The following MAF variants were observed in gnomAD, a reference collection of about 807,000 sequenced individuals.
MAF encodes MAF bZIP transcription factor.
A neutral mutation model predicts 22.0 loss-of-function variants in MAF; 10 were observed. The observed-to-expected ratio is 0.45, with a 90% CI of 0.28 to 0.77. MAF has a LOEUF of 0.77. MAF is among the 30% of genes least tolerant of loss of function. The pLI is 0.12. For synonymous variants in MAF, 337 were observed against 255.8 expected (o/e 1.32, Z -3.03); for missense variants, 544 against 548.4 (o/e 0.99, Z 0.08).
chr16:79,384,070 C>T, the MAF span, among the ~76,000 whole-genome samples: 2 of 152,124 alleles, frequency 1.3e-5, no homozygotes, highest in African/African-American at 2.4e-5. Context: ...GAGGGGGCTC[C>T]TCCTGAGTTG....
At chr16:79,272,139 AC>A in the MAF span, among the ~76,000 whole-genome samples, 1 of 152,208 alleles carries the variant, frequency 6.6e-6, no homozygotes, top group Admixed American at 6.5e-5. Context: ...GGGGGCCCCC[AC>A]CAGGGCGTCT....
At chr16:79,208,803 T>G in the MAF span, among the ~76,000 whole-genome samples, 5 of 152,174 alleles carry the variant, frequency 3.3e-5, no homozygotes, top group Non-Finnish European at 7.3e-5. Flanking sequence ...TCTGATCATA[T>G]TAAGATGTCA....
chr16:79,350,685 T>C, the MAF span, among the ~76,000 whole-genome samples: 7 of 152,080 alleles, frequency 4.6e-5, no homozygotes, highest in Admixed American at 1.3e-4. Context: ...AGCCACAAGA[T>C]AGAAGAGGCC....
the MAF span, among the ~76,000 whole-genome samples, chr16:79,486,620 G>A: frequency 1.3e-5 from 2 of 152,220 alleles, no homozygotes; most frequent in Non-Finnish European, 2.9e-5. Context: ...AAGTTACGCA[G>A]CTATCTTTAG....
At chr16:79,439,527 C>T in the MAF span, among the ~76,000 whole-genome samples, 4 of 151,966 alleles carry the variant, frequency 2.6e-5, no homozygotes, top group African/African-American at 7.3e-5. Context: ...CCCAAAGTGC[C>T]GGGATTACAG....
the MAF span, among the ~76,000 whole-genome samples, chr16:79,253,223 A>C: frequency 6.6e-6 from 1 of 152,088 alleles, no homozygotes; most frequent in Non-Finnish European, 1.5e-5. Flanking sequence ...GGCAGAATGA[A>C]CTGACCTAGA....
rs1913372418 is a variant in MAF at position 79,594,335 on chromosome 16, T to G, written c.*125A>C. The stretch of plus-strand genomic sequence containing the variant: ...TAACTACTACATTTAATAGCCTTCT[T>G]CTCTAACACAGTAATTTTTATTTAA... On this transcript the variant is annotated 3_prime_UTR_variant, in exon 2 of 2. Coordinates refer to ENST00000326043, the MANE Select transcript of MAF (RefSeq NM_005360.5). The G allele has an allele frequency of 1.1e-6, 1 of 901,650 alleles. No homozygotes were observed. The allele number at this position is 901,650 out of a possible 1,614,324, so 55.9% of individuals were successfully genotyped here. A position where few individuals can be genotyped will look rare whatever the true frequency, so the allele number is the denominator to read the frequency against.
chr16:79,546,162 A>G, the MAF span, among the ~76,000 whole-genome samples: 5 of 152,190 alleles, frequency 3.3e-5, no homozygotes, highest in Admixed American at 2.0e-4. Context: ...TTAAAACTTG[A>G]TTTTATTGGA....
At chr16:79,228,242 G>A in the MAF span, among the ~76,000 whole-genome samples, 16 of 152,136 alleles carry the variant, frequency 1.1e-4, no homozygotes, top group Non-Finnish European at 1.6e-4. Context: ...TTCATGACTT[G>A]TGTAACAACT....
At chr16:79,249,812 C>CT in the MAF span, among the ~76,000 whole-genome samples, 1 of 151,856 alleles carries the variant, frequency 6.6e-6, no homozygotes, top group Admixed American at 6.6e-5. Flanking sequence ...CTTGCAATTG[C>CT]TTTTTTTGTT....
chr16:79,514,394 A>C, the MAF span, among the ~76,000 whole-genome samples: 1 of 152,338 alleles, frequency 6.6e-6, no homozygotes, highest in East Asian at 1.9e-4. Flanking sequence ...TGTAAAGATG[A>C]GCTTTCCTAC....
the MAF span, among the ~76,000 whole-genome samples, chr16:79,326,505 C>T: frequency 6.6e-6 from 1 of 152,222 alleles, no homozygotes; most frequent in Non-Finnish European, 1.5e-5. Context: ...TTATACACTT[C>T]AACAGACGTG....
At chr16:79,597,403 TTC>T (rs1346985148) in intron 1 of MAF, 23 of 1,031,846 alleles carry the variant, frequency 2.2e-5, no homozygotes, top group Non-Finnish European at 2.6e-5. Context: ...ATGGGGCAGT[TTC>T]TCTTTTTAAA....
chr16:79,355,295 T>C, the MAF span, among the ~76,000 whole-genome samples: 6 of 152,306 alleles, frequency 3.9e-5, no homozygotes, highest in Middle Eastern at 3.4e-3. Context: ...TAGAGTTGAA[T>C]TGACAGCTCA....
chr16:79,432,506 A>T, the MAF span, among the ~76,000 whole-genome samples: 1 of 152,206 alleles, frequency 6.6e-6, no homozygotes, highest in Non-Finnish European at 1.5e-5. Context: ...CTTAAATAAA[A>T]GTTATATGAA....
chr16:79,527,462 G>C, the MAF span, among the ~76,000 whole-genome samples: 3 of 152,146 alleles, frequency 2.0e-5, no homozygotes, highest in African/African-American at 7.2e-5. Context: ...ATTCCCACTA[G>C]AGAAAAGAAA....
the MAF span, among the ~76,000 whole-genome samples, chr16:79,554,959 T>C: frequency 5.9e-5 from 9 of 152,324 alleles, no homozygotes; most frequent in African/African-American, 1.9e-4. Flanking sequence ...TGGCTTCCTC[T>C]GAGCCTACAG....
the MAF span, among the ~76,000 whole-genome samples, chr16:79,365,069 G>C: frequency 1.3e-5 from 2 of 152,140 alleles, no homozygotes; most frequent in Non-Finnish European, 2.9e-5. Flanking sequence ...GTTTCTGATT[G>C]GTTAAACTTC....
chr16:79,387,786 C>A, the MAF span, among the ~76,000 whole-genome samples: 503 of 152,264 alleles, frequency 3.3e-3, no homozygotes, highest in African/African-American at 0.011. Flanking sequence ...CTAAATAACA[C>A]CATATATTTA....
Sources: allele counts gnomAD v4.1 joint callset (sites outside exome capture counted in the v4.1 genomes callset), GRCh38; gene constraint gnomAD v4.1.1; transcripts MANE v1.5; gene names NCBI Gene and HGNC (gene_info 2026-07-23, HGNC 2026-07-21).